Variants in ESRRG observed in about 807,000 individuals in gnomAD.
ESRRG encodes estrogen-related receptor gamma.
Under a neutral mutation model 44.0 loss-of-function variants are expected in ESRRG, and 13 were observed. The observed-to-expected ratio is 0.30, with a 90% CI of 0.19 to 0.47. The LOEUF is 0.47. Among genes scored for constraint, ESRRG ranks in the 20% least tolerant of loss-of-function variants. The probability of loss-of-function intolerance (pLI) is 1.00; values close to 1 mark genes in which losing one functional copy is unlikely to be tolerated. For missense variants in ESRRG, 395 were observed against 580.6 expected (o/e 0.68, Z 3.29); for synonymous variants, 215 against 214.6 (o/e 1.00, Z -0.02).
intron 5 of ESRRG, among the ~76,000 whole-genome samples, chr1:216,547,701 T>C (rs2054985227): frequency 6.6e-6 from 1 of 152,122 alleles, no homozygotes; most frequent in African/African-American, 2.4e-5. Context: ...TATTAATGTT[T>C]GTTTTTGTAC....
At chr1:217,064,545 C>T (rs541374433) in intron 1 of ESRRG, among the ~76,000 whole-genome samples, 63 of 152,234 alleles carry the variant, frequency 4.1e-4, no homozygotes, top group Middle Eastern at 6.8e-3. Flanking sequence ...AAGCTGCAGT[C>T]CTTCCTGATG....
intron 1 of ESRRG, among the ~76,000 whole-genome samples, chr1:216,960,313 AG>A (rs2150166458): frequency 6.6e-6 from 1 of 152,300 alleles, no homozygotes; most frequent in South Asian, 2.1e-4. Flanking sequence ...TTAAATAATG[AG>A]CATTGCCAAA....
intron 2 of ESRRG, among the ~76,000 whole-genome samples, chr1:216,775,870 T>G (rs906030365): frequency 6.6e-6 from 1 of 151,922 alleles, no homozygotes; most frequent in Non-Finnish European, 1.5e-5. Context: ...AAGCTATTTT[T>G]TTATACAATA....
At chr1:217,119,005 GGATAGATAGATAGATAGATAGATA>G (rs55952668) in intron 1 of ESRRG, among the ~76,000 whole-genome samples, 1 of 137,352 alleles carries the variant, frequency 7.3e-6, no homozygotes, top group Non-Finnish European at 1.6e-5. Flanking sequence ...GAAACTAGAT[GGATAGATAGATAGATAGATAGATA>G]GATAGATAGA....
chr1:216,991,470 T>A (rs2789560), intron 1 of ESRRG, among the ~76,000 whole-genome samples: 27,555 of 152,092 alleles, frequency 0.18, 2,836 homozygotes, highest in East Asian at 0.42. Context: ...AAGCACTGGA[T>A]GAACAGACGA....
At chr1:216,549,572 C>A (rs11572799) in intron 5 of ESRRG, among the ~76,000 whole-genome samples, 60 of 151,984 alleles carry the variant, frequency 3.9e-4, no homozygotes, top group African/African-American at 1.3e-3. Flanking sequence ...ATTTATTATC[C>A]TTTGAATTAT....
chr1:216,841,272 A>G (rs1476507805), intron 2 of ESRRG, among the ~76,000 whole-genome samples: 2 of 152,106 alleles, frequency 1.3e-5, no homozygotes, highest in Non-Finnish European at 2.9e-5. Context: ...CACTCAGGGT[A>G]GACTCCCAGC....
In ESRRG at chr1:217,078,651, A is replaced by G. The variant is rs139961587; in HGVS notation, c.-106+10856T>C. On this transcript the variant is annotated intron_variant, in intron 1 of 7. Transcript: ENST00000359162. ...TAAGGTATTCTCGGGACTTATACGT[A>G]GTTCCTGTCTCTGCTGTCCTGACCT... 1.2e-3 allele frequency among the ~76,000 whole-genome samples: 176 copies of G among 152,340 alleles called. 1 individual carries two copies. Among genetic ancestry groups the G allele is most frequent in the African/African-American group, 4.1e-3 (170 of 41,582 alleles).
intron 3 of ESRRG, among the ~76,000 whole-genome samples, chr1:216,578,654 C>T (rs2062132033): frequency 6.6e-6 from 1 of 152,098 alleles, no homozygotes; most frequent in Non-Finnish European, 1.5e-5. Flanking sequence ...CTCTATATAC[C>T]ATTACTGAAC....
At chr1:216,698,954 G>A (rs572024558) in intron 1 of ESRRG, among the ~76,000 whole-genome samples, 14 of 152,270 alleles carry the variant, frequency 9.2e-5, no homozygotes, top group African/African-American at 3.4e-4. Flanking sequence ...AGCCAGTTCA[G>A]GTTATAATGC....
intron 3 of ESRRG, among the ~76,000 whole-genome samples, chr1:216,629,587 A>G (rs2063763466): frequency 6.6e-6 from 1 of 152,218 alleles, no homozygotes. Context: ...GCAGACTCTA[A>G]TCAAGTGTGT....
At chr1:217,036,214 G>C (rs12031774) in intron 1 of ESRRG, among the ~76,000 whole-genome samples, 27,944 of 152,178 alleles carry the variant, frequency 0.18, 2,802 homozygotes, top group East Asian at 0.45. Context: ...CTGTTGGTAA[G>C]AGTGTAAATT....
At chr1:216,661,984 A>G (rs1186791203) in intron 2 of ESRRG, among the ~76,000 whole-genome samples, 3 of 152,126 alleles carry the variant, frequency 2.0e-5, no homozygotes, top group African/African-American at 7.2e-5. Context: ...TTAAATTTGG[A>G]GTTACCTTCT....
chr1:217,104,851 G>A (rs1208640891), intron 1 of ESRRG, among the ~76,000 whole-genome samples: 1 of 152,128 alleles, frequency 6.6e-6, no homozygotes, highest in Non-Finnish European at 1.5e-5. Context: ...TAAACTCTAT[G>A]GTTTCAGATG....
At chr1:216,910,206 G>T (rs994439388) in intron 2 of ESRRG, among the ~76,000 whole-genome samples, 3 of 151,322 alleles carry the variant, frequency 2.0e-5, no homozygotes, top group Non-Finnish European at 3.0e-5. Flanking sequence ...AAAAAGTTTG[G>T]CTGAAACACA....
chr1:216,865,836 A>C (rs2096147148), intron 2 of ESRRG, among the ~76,000 whole-genome samples: 1 of 152,206 alleles, frequency 6.6e-6, no homozygotes, highest in Non-Finnish European at 1.5e-5. Flanking sequence ...CTGAGTCCCT[A>C]TATTGGATAA....
intron 2 of ESRRG, among the ~76,000 whole-genome samples, chr1:216,881,170 G>A (rs987785331): frequency 3.3e-5 from 5 of 152,090 alleles, no homozygotes; most frequent in African/African-American, 1.2e-4. Flanking sequence ...GAGTGAACCA[G>A]TTCCTAAATA....
At chr1:216,628,092 T>A (rs932295147) in intron 3 of ESRRG, among the ~76,000 whole-genome samples, 6 of 152,218 alleles carry the variant, frequency 3.9e-5, no homozygotes, top group African/African-American at 1.4e-4. Flanking sequence ...AAGTATGATA[T>A]CTTCATGATT....
chr1:216,656,265 G>A (rs2070531087), intron 2 of ESRRG, among the ~76,000 whole-genome samples: 1 of 152,124 alleles, frequency 6.6e-6, no homozygotes, highest in Non-Finnish European at 1.5e-5. Flanking sequence ...ACTGAATTGG[G>A]CAGCTACTGA....
Sources: allele counts gnomAD v4.1 joint callset (sites outside exome capture counted in the v4.1 genomes callset), GRCh38; gene constraint gnomAD v4.1.1; transcripts MANE v1.5; gene names NCBI Gene and HGNC (gene_info 2026-07-23, HGNC 2026-07-21).